The following SNX8 variants were observed in gnomAD, a reference collection of about 807,000 sequenced individuals.
The protein encoded by SNX8 is sorting nexin-8.
SNX8 carries 25 observed loss-of-function variants against 51.6 expected under a neutral mutation model. The ratio of observed to expected loss-of-function variants is 0.48; its 90% CI spans 0.35 to 0.68. The LOEUF is 0.68. Ranked by LOEUF, SNX8 falls within the 30% of genes least tolerant of loss-of-function variation. The probability of loss-of-function intolerance (pLI) is 0.00; values close to 1 mark genes in which losing one functional copy is unlikely to be tolerated. For synonymous variants in SNX8, 324 were observed against 277.0 expected (o/e 1.17, Z -1.68); for missense variants, 695 against 624.0 (o/e 1.11, Z -1.21).
intron 1 of SNX8, among the ~76,000 whole-genome samples, chr7:2,344,389 A>G (rs1223446181): frequency 6.6e-6 from 1 of 151,618 alleles, no homozygotes; most frequent in African/African-American, 2.4e-5. Context: ...AGACGGGCGG[A>G]TCACGAGGTC....
rs985863639 is a variant in SNX8 at position 2,332,373 on chromosome 7, T to A, written c.-66+21849A>T. Among the ~76,000 whole-genome samples the A allele has an allele frequency of 2.0e-5, 3 of 152,094 alleles. No individual in the cohort carries two copies. The East Asian group carries it at 5.8e-4, about 29-fold the overall frequency. The stretch of plus-strand genomic sequence containing the variant: ...ATCCTCAGTGCAGTTCTAGTCCTAA[T>A]CCTAGCATGATTTTTCCACAGATAT... On this transcript the variant is annotated intron_variant, in intron 1 of 5. Transcript: ENST00000435336.
intron 1 of SNX8, among the ~76,000 whole-genome samples, chr7:2,346,255 C>CCTGGCCA (rs377656571): frequency 6.6e-6 from 1 of 151,802 alleles, no homozygotes; most frequent in Non-Finnish European, 1.5e-5. Flanking sequence ...AGTTTGAGCT[C>CCTGGCCA]ACATAGTGAG....
chr7:2,351,762 T>A (rs940401513), intron 1 of SNX8, among the ~76,000 whole-genome samples: 5 of 147,348 alleles, frequency 3.4e-5, no homozygotes, highest in African/African-American at 1.3e-4. Flanking sequence ...ACCCGGGAGG[T>A]GGAGCTTGCA....
chr7:2,325,216 C>T (rs1562458373), intron 1 of SNX8, among the ~76,000 whole-genome samples: 1 of 152,158 alleles, frequency 6.6e-6, no homozygotes, highest in African/African-American at 2.4e-5. Flanking sequence ...TCAGAGCTCA[C>T]TGCAGCATTA....
intron 1 of SNX8, among the ~76,000 whole-genome samples, chr7:2,347,776 G>C (rs895691587): frequency 7.2e-5 from 11 of 151,950 alleles, no homozygotes; most frequent in Non-Finnish European, 1.5e-4. Flanking sequence ...CTCCCAAGTA[G>C]CTGGAATTAC....
At chr7:2,302,798 C>T (rs572898063) in intron 1 of SNX8, among the ~76,000 whole-genome samples, 59 of 151,866 alleles carry the variant, frequency 3.9e-4, no homozygotes, top group African/African-American at 1.3e-3. Flanking sequence ...GCCGCGACCT[C>T]GTCTGGGAGG....
intron 1 of SNX8, among the ~76,000 whole-genome samples, chr7:2,292,537 G>A (rs1053574692): frequency 1.9e-4 from 28 of 151,268 alleles, no homozygotes; most frequent in African/African-American, 5.1e-4. Context: ...TCAGCCTCCC[G>A]AGTAGCTGGG....
At chr7:2,292,707 G>A (rs1042286937) in intron 1 of SNX8, among the ~76,000 whole-genome samples, 18 of 151,924 alleles carry the variant, frequency 1.2e-4, no homozygotes, top group South Asian at 2.1e-4. Flanking sequence ...CACTGTGCCC[G>A]GCCCAGGCAA....
chr7:2,256,720 G>A (rs924004459), intron 10 of SNX8, among the ~76,000 whole-genome samples, 154 bp downstream of exon 10: 2 of 152,210 alleles, frequency 1.3e-5, no homozygotes, highest in African/African-American at 4.8e-5. Context: ...TAGAAGATCC[G>A]GGCGAGCACC....
chr7:2,263,334 G>T lies in SNX8; in HGVS notation c.811C>A (p.Pro271Thr). 6.2e-7 allele frequency: 1 copy of T among 1,611,602 alleles called. No individual in the cohort carries two copies. Among genetic ancestry groups the T allele is most frequent in the Non-Finnish European group, 8.5e-7 (1 of 1,179,014 alleles). Residue 271 changes from proline (P) to threonine (T), a missense_variant, in exon 7 of 11, where the codon CCC becomes ACC. Coordinates refer to ENST00000222990, the MANE Select transcript of SNX8 (RefSeq NM_013321.4). ...CTGCTATTCAGAGCGGCCCAGGAGGGCAGCGGGGTCGTGTCAGACCCTATT... is the reference window on the plus strand; with the variant it reads ...CTGCTATTCAGAGCGGCCCAGGAGGTCAGCGGGGTCGTGTCAGACCCTATT... ...SAIGSDTTPL[P>T]SWAALNSSTW...
chr7:2,276,113 C>A (rs1389886634), intron 2 of SNX8, among the ~76,000 whole-genome samples: 1 of 152,186 alleles, frequency 6.6e-6, no homozygotes, highest in Admixed American at 6.5e-5. Context: ...GACAAATGTT[C>A]CCTATGTGGC....
At chr7:2,329,943 C>T (rs1164547354) in intron 1 of SNX8, among the ~76,000 whole-genome samples, 1 of 121,020 alleles carries the variant, frequency 8.3e-6, no homozygotes, top group Non-Finnish European at 1.7e-5. Context: ...TTCGCCACTC[C>T]ACCCACCCCC....
chr7:2,313,610 C>G (rs1053151405), intron 1 of SNX8, among the ~76,000 whole-genome samples: 2 of 152,084 alleles, frequency 1.3e-5, no homozygotes, highest in African/African-American at 2.4e-5. Context: ...TGCCCGTACT[C>G]CCAGCACTTT....
upstream of SNX8, among the ~76,000 whole-genome samples, chr7:2,318,673 C>G (rs1445814740): frequency 1.3e-5 from 2 of 149,206 alleles, no homozygotes; most frequent in South Asian, 4.3e-4. Flanking sequence ...CCAGCTTGGG[C>G]GAAAACAGGG....
intron 1 of SNX8, among the ~76,000 whole-genome samples, chr7:2,305,713 G>A (rs1009678091): frequency 6.6e-6 from 1 of 151,932 alleles, no homozygotes; most frequent in Non-Finnish European, 1.5e-5. Flanking sequence ...GCACAGAAAG[G>A]ACTATAAAAC....
intron 10 of SNX8, 76 bp downstream of exon 10, chr7:2,256,797 CT>C: frequency 6.7e-7 from 1 of 1,495,880 alleles, no homozygotes; most frequent in Non-Finnish European, 9.0e-7. Context: ...GGCCACCGCG[CT>C]GCCGGGCTTG....
intron 1 of SNX8, among the ~76,000 whole-genome samples, chr7:2,314,015 C>A (rs1271336991): frequency 6.6e-6 from 1 of 152,232 alleles, no homozygotes; most frequent in East Asian, 1.9e-4. Context: ...AGGAAACTGT[C>A]CCCGAGGACG....
intron 7 of SNX8, among the ~76,000 whole-genome samples, chr7:2,260,816 C>A (rs1795317371): frequency 6.6e-6 from 1 of 152,204 alleles, no homozygotes; most frequent in Admixed American, 6.5e-5. Flanking sequence ...AGTCCCAAAA[C>A]ACAACTCATG....
chr7:2,313,545 GAAAAGAAAAAGAA>G (rs1375442496), intron 1 of SNX8, among the ~76,000 whole-genome samples: 9 of 148,716 alleles, frequency 6.1e-5, no homozygotes, highest in African/African-American at 1.5e-4. Flanking sequence ...AAAAAGAAAA[GAAAAGAAAAAGAA>G]AAAAGAAAAA....
Sources: gnomAD v4.1 joint callset for allele counts (sites outside exome capture counted in the v4.1 genomes callset) on GRCh38, gnomAD v4.1.1 for gene constraint, MANE v1.5 for transcripts, NCBI Gene and HGNC (gene_info 2026-07-23, HGNC 2026-07-21) for gene names.